SUMF1: variants seen among roughly 807,000 people sequenced by gnomAD.
SUMF1 encodes sulfatase modifying factor 1.
SUMF1 carries 48 observed loss-of-function variants against 47.6 expected under a neutral mutation model. That is an observed-to-expected ratio of 1.01 (90% CI 0.80 to 1.28). The LOEUF (loss-of-function observed/expected upper bound fraction) is 1.28. Among genes scored for constraint, SUMF1 ranks in the 50% most tolerant of loss-of-function variants. The pLI, the probability that SUMF1 is intolerant of heterozygous loss-of-function variation, is 0.00. For synonymous variants in SUMF1, 230 were observed against 192.1 expected (o/e 1.20, Z -1.63); for missense variants, 571 against 485.4 (o/e 1.18, Z -1.66).
intron 7 of SUMF1, among the ~76,000 whole-genome samples, chr3:4,398,043 T>G (rs1701092426): frequency 6.6e-6 from 1 of 152,176 alleles, no homozygotes; most frequent in Admixed American, 6.5e-5. Flanking sequence ...TTAACTAACT[T>G]GCTCCAGGTT....
chr3:4,259,583 C>G (rs1198720566), intron 8 of SUMF1, among the ~76,000 whole-genome samples: 2 of 151,854 alleles, frequency 1.3e-5, no homozygotes, highest in Non-Finnish European at 1.5e-5. Flanking sequence ...TTTTTTCTAT[C>G]AATACATCTC....
intron 7 of SUMF1, among the ~76,000 whole-genome samples, chr3:4,409,674 C>T (rs1701482504): frequency 1.3e-5 from 2 of 152,180 alleles, no homozygotes; most frequent in Admixed American, 1.3e-4. Flanking sequence ...AATTTTACAA[C>T]CTTATTCTCA....
intron 7 of SUMF1, among the ~76,000 whole-genome samples, chr3:4,396,420 G>C (rs1428889098): frequency 6.6e-6 from 1 of 152,210 alleles, no homozygotes; most frequent in African/African-American, 2.4e-5. Context: ...AACCTGCAGA[G>C]ACTCCACAGG....
At chr3:4,301,232 CA>C (rs1329519100) in intron 8 of SUMF1, among the ~76,000 whole-genome samples, 1 of 152,114 alleles carries the variant, frequency 6.6e-6, no homozygotes, top group African/African-American at 2.4e-5. Context: ...GATACAAGAA[CA>C]ATGTGGACAA....
intron 9 of SUMF1, among the ~76,000 whole-genome samples, chr3:4,059,081 A>G (rs1291939072): frequency 6.6e-6 from 1 of 152,162 alleles, no homozygotes; most frequent in African/African-American, 2.4e-5. Context: ...GATCACTCTA[A>G]ATATATAGTG....
At chr3:4,151,271 T>C (rs1457723440) in intron 8 of SUMF1, among the ~76,000 whole-genome samples, 3 of 149,524 alleles carry the variant, frequency 2.0e-5, no homozygotes, top group Non-Finnish European at 4.4e-5. Flanking sequence ...AAAATATAGA[T>C]ATTTATACAT....
chr3:4,362,932 C>A (rs1366720783), intron 8 of SUMF1, among the ~76,000 whole-genome samples: 1 of 151,376 alleles, frequency 6.6e-6, no homozygotes, highest in Non-Finnish European at 1.5e-5. Flanking sequence ...GAAAAAAAAA[C>A]AGTTAAAATG....
At chr3:4,432,932 CT>C (rs1208383100) in intron 3 of SUMF1, among the ~76,000 whole-genome samples, 2 of 152,196 alleles carry the variant, frequency 1.3e-5, no homozygotes, top group Non-Finnish European at 2.9e-5. Flanking sequence ...CACCCCACCC[CT>C]GGGTGACCCT....
intron 8 of SUMF1, among the ~76,000 whole-genome samples, chr3:4,354,280 A>G (rs1699570974): frequency 6.6e-6 from 1 of 152,228 alleles, no homozygotes; most frequent in African/African-American, 2.4e-5. Context: ...CCAAACAACT[A>G]TTCTCTAAAA....
chr3:4,214,057 G>C (rs1243768830), intron 8 of SUMF1, among the ~76,000 whole-genome samples: 3 of 152,122 alleles, frequency 2.0e-5, no homozygotes, highest in East Asian at 3.9e-4. Flanking sequence ...GGACCAAGCA[G>C]ACCTAATAGA....
chr3:4,447,666 T>C (rs546818942), intron 3 of SUMF1, among the ~76,000 whole-genome samples: 11 of 152,310 alleles, frequency 7.2e-5, no homozygotes, highest in African/African-American at 2.2e-4. Context: ...TCCCTGATCA[T>C]TGACACATTT....
At chr3:4,442,278 C>T (rs1379264138) in intron 3 of SUMF1, among the ~76,000 whole-genome samples, 2 of 142,276 alleles carry the variant, frequency 1.4e-5, no homozygotes, top group Non-Finnish European at 3.1e-5. Context: ...TTTTTTGAGA[C>T]GGAGTCTCGC....
chr3:4,353,225 C>G, intron 8 of SUMF1, among the ~76,000 whole-genome samples: 1 of 152,242 alleles, frequency 6.6e-6, no homozygotes, highest in Middle Eastern at 3.4e-3. Flanking sequence ...ATAGTGAGAC[C>G]CTCATCTTTA....
chr3:4,175,226 T>C (rs969016203), intron 8 of SUMF1, among the ~76,000 whole-genome samples: 25 of 152,140 alleles, frequency 1.6e-4, no homozygotes, highest in African/African-American at 6.0e-4. Context: ...ACAGACTGCC[T>C]CCTCAAGTGG....
At chr3:4,172,111 TA>T (rs1694844653) in intron 8 of SUMF1, among the ~76,000 whole-genome samples, 2 of 152,064 alleles carry the variant, frequency 1.3e-5, no homozygotes, top group African/African-American at 4.8e-5. Context: ...CCAATGCAAG[TA>T]GGGGGATGGA....
In SUMF1 at chr3:4,419,932, C is replaced by T; in HGVS notation, c.602+132G>A. 3.8e-6 allele frequency: 3 copies of T among 784,692 alleles called. No homozygotes were observed. The South Asian group carries it at 4.4e-5, about 11-fold the overall frequency. 48.6% of individuals were successfully genotyped at this position (784,692 alleles called of 1,614,324 possible). On this transcript the variant is annotated intron_variant, in intron 4 of 8. Coordinates refer to ENST00000272902, the MANE Select transcript of SUMF1 (RefSeq NM_182760.4). ...CGTTATTTCCCACCATCTTATTTTC[C>T]TACCAATCAATTACAGTTTGTCATT... is the stretch of plus-strand genomic sequence containing the variant.
chr3:4,391,401 T>C (rs1039743511), intron 7 of SUMF1, among the ~76,000 whole-genome samples: 1 of 152,214 alleles, frequency 6.6e-6, no homozygotes, highest in Admixed American at 6.5e-5. Context: ...CCTTTACACA[T>C]GTGTTAAAAT....
At chr3:4,384,224 T>A (rs544241812) in intron 7 of SUMF1, among the ~76,000 whole-genome samples, 1 of 152,250 alleles carries the variant, frequency 6.6e-6, no homozygotes, top group Non-Finnish European at 1.5e-5. Flanking sequence ...TTTGTTAATC[T>A]ACAATGACTT....
intron 8 of SUMF1, among the ~76,000 whole-genome samples, chr3:4,165,561 T>G (rs892915910): frequency 6.6e-6 from 1 of 152,082 alleles, no homozygotes; most frequent in Non-Finnish European, 1.5e-5. Flanking sequence ...TGGATTATCT[T>G]TCAATGAAAA....
Sources: gnomAD v4.1 joint callset for allele counts (sites outside exome capture counted in the v4.1 genomes callset) on GRCh38, gnomAD v4.1.1 for gene constraint, MANE v1.5 for transcripts, NCBI Gene and HGNC (gene_info 2026-07-23, HGNC 2026-07-21) for gene names.